Variants in UTRN observed in about 807,000 individuals in gnomAD.
UTRN encodes dystrophin-related protein 1.
In UTRN, 283 loss-of-function variants were observed where a neutral mutation model predicts 463.9. The observed-to-expected ratio is 0.61, with a 90% CI of 0.55 to 0.67. The LOEUF is 0.67. Ranked by LOEUF, UTRN falls within the 30% of genes least tolerant of loss-of-function variation. The pLI is 0.00. For missense variants in UTRN, 3,922 were observed against 4,084.3 expected, an observed-to-expected ratio of 0.96 and a Z score of 1.08; for synonymous variants, 1,442 against 1,431.5, an observed-to-expected ratio of 1.01 and a Z score of -0.17.
intron 2 of UTRN, among the ~76,000 whole-genome samples, chr6:144,326,982 T>A (rs767089071): frequency 1.3e-4 from 20 of 152,188 alleles, no homozygotes; most frequent in Non-Finnish European, 2.6e-4. Flanking sequence ...CCTTCAAATC[T>A]CATGCCGTTG....
chr6:144,566,532 A>G (rs1800417510), intron 50 of UTRN, among the ~76,000 whole-genome samples: 1 of 152,038 alleles, frequency 6.6e-6, no homozygotes, highest in Admixed American at 6.5e-5. Flanking sequence ...TGTGGTCCAT[A>G]ATAGTGTCTA....
rs1562256886 is a variant in UTRN, at chr6:144,331,075, G to A, written c.79+39168G>A. ...ATTTTGTCCACCTGTTCATTGAAAG[G>A]AAGCCGAGGCATGACTCTCCGCCAA... On this transcript the variant is annotated intron_variant, in intron 2 of 74. Coordinates refer to ENST00000367545, the MANE Select transcript of UTRN (RefSeq NM_007124.3). 3.1e-6 allele frequency: 3 copies of A among 957,026 alleles called. No homozygotes were observed. The Admixed American group carries it at 1.8e-4, about 59-fold the overall frequency. The allele number at this position is 957,026 out of a possible 1,614,324, so 59.3% of individuals were successfully genotyped here.
chr6:144,604,247 G>A (rs570471668), intron 51 of UTRN, among the ~76,000 whole-genome samples: 2 of 152,242 alleles, frequency 1.3e-5, no homozygotes, highest in South Asian at 2.1e-4. Flanking sequence ...GTTATACTCC[G>A]TGTGGCCTTC....
At chr6:144,491,552 T>A (rs1793078599) in intron 32 of UTRN, among the ~76,000 whole-genome samples, 1 of 152,168 alleles carries the variant, frequency 6.6e-6, no homozygotes, top group African/African-American at 2.4e-5. Flanking sequence ...AGAAATGATA[T>A]ATAAGGCCTT....
intron 16 of UTRN, 77 bp from the exon 17 acceptor site, chr6:144,448,523 A>T: frequency 6.6e-7 from 1 of 1,510,854 alleles, no homozygotes; most frequent in South Asian, 1.2e-5. Context: ...ATTTCAAAGA[A>T]AGAATTTTAT....
chr6:144,442,691 A>G (rs1006424557), intron 13 of UTRN, among the ~76,000 whole-genome samples: 15 of 152,148 alleles, frequency 9.9e-5, no homozygotes, highest in Non-Finnish European at 1.5e-5. Flanking sequence ...TATAATGAGA[A>G]CAGCATGGGA....
chr6:144,323,798 TA>T (rs1775812298), intron 2 of UTRN, among the ~76,000 whole-genome samples: 1 of 152,206 alleles, frequency 6.6e-6, no homozygotes, highest in African/African-American at 2.4e-5. Context: ...TTAAACCAAG[TA>T]ATTTGGGCGA....
intron 2 of UTRN, among the ~76,000 whole-genome samples, chr6:144,338,665 A>G (rs1355162033): frequency 6.6e-6 from 1 of 152,204 alleles, no homozygotes; most frequent in Non-Finnish European, 1.5e-5. Context: ...TTTGGAGAGA[A>G]GAGCCCCTAG....
At chr6:144,685,181 C>T (rs1250575244) in intron 52 of UTRN, among the ~76,000 whole-genome samples, 1 of 152,142 alleles carries the variant, frequency 6.6e-6, no homozygotes, top group African/African-American at 2.4e-5. Context: ...CCTCCAGCTC[C>T]ATTCAAGTTG....
At chr6:144,462,263 A>G (rs540857328) in intron 22 of UTRN, among the ~76,000 whole-genome samples, 28 of 152,192 alleles carry the variant, frequency 1.8e-4, no homozygotes, top group Non-Finnish European at 2.6e-4. Flanking sequence ...ATGGCTGCAT[A>G]GTATTCCATG....
chr6:144,556,380 C>T (rs1288700183), intron 49 of UTRN, among the ~76,000 whole-genome samples: 2 of 147,962 alleles, frequency 1.4e-5, no homozygotes, highest in Non-Finnish European at 3.0e-5. Flanking sequence ...ATAGTGAAGC[C>T]CCTGGCCCCT....
intron 3 of UTRN, among the ~76,000 whole-genome samples, chr6:144,421,168 G>T (rs1344987961): frequency 6.6e-6 from 1 of 151,958 alleles, no homozygotes; most frequent in African/African-American, 2.4e-5. Context: ...CGCCATGCCC[G>T]GCTAATTTTT....
intron 51 of UTRN, among the ~76,000 whole-genome samples, chr6:144,659,507 A>G (rs756445342): frequency 5.3e-5 from 8 of 152,188 alleles, no homozygotes; most frequent in Non-Finnish European, 1.0e-4. Context: ...GTTCTGTTGC[A>G]TTGACAGCAT....
chr6:144,811,421 G>C (rs1019278667), intron 65 of UTRN, among the ~76,000 whole-genome samples: 2 of 152,112 alleles, frequency 1.3e-5, no homozygotes, highest in Non-Finnish European at 2.9e-5. Flanking sequence ...TCAGCATCCT[G>C]AAGTGGTGTT....
intron 51 of UTRN, among the ~76,000 whole-genome samples, chr6:144,661,975 G>C (rs944425160): frequency 7.9e-5 from 12 of 151,824 alleles, no homozygotes; most frequent in African/African-American, 2.7e-4. Flanking sequence ...CCTGTCAAAG[G>C]CTTGATTTGG....
chr6:144,670,266 T>C (rs1283193371), intron 51 of UTRN, among the ~76,000 whole-genome samples: 6 of 152,188 alleles, frequency 3.9e-5, no homozygotes, highest in African/African-American at 1.4e-4. Flanking sequence ...ACTTCCCTTT[T>C]TACCACATCC....
intron 2 of UTRN, among the ~76,000 whole-genome samples, chr6:144,377,973 T>C (rs78799077): frequency 1.8e-3 from 267 of 152,318 alleles, no homozygotes; most frequent in African/African-American, 6.1e-3. Context: ...CCCATTTAGA[T>C]CAATCAGGGG....
chr6:144,426,243 T>G, intron 6 of UTRN, 44 bp from the exon 7 acceptor site: 1 of 1,561,918 alleles, frequency 6.4e-7, no homozygotes, highest in Non-Finnish European at 8.7e-7. Context: ...TGAAGTAAAT[T>G]ACTGAAGTAT....
intron 52 of UTRN, among the ~76,000 whole-genome samples, chr6:144,685,257 A>G (rs1378866098): frequency 6.6e-6 from 1 of 152,176 alleles, no homozygotes; most frequent in Non-Finnish European, 1.5e-5. Flanking sequence ...CACATACCAC[A>G]TGTTCCTTAT....
Sources: gnomAD v4.1 joint callset for allele counts (sites outside exome capture counted in the v4.1 genomes callset) on GRCh38, gnomAD v4.1.1 for gene constraint, MANE v1.5 for transcripts, NCBI Gene and HGNC (gene_info 2026-07-23, HGNC 2026-07-21) for gene names.